Variants in ZNF609 observed in about 807,000 individuals in gnomAD.
The protein encoded by ZNF609 is zinc finger protein 609.
A neutral mutation model predicts 109.5 loss-of-function variants in ZNF609; 11 were observed. That is an observed-to-expected ratio of 0.10 (90% CI 0.06 to 0.17). The LOEUF is 0.17. Ranked by LOEUF, ZNF609 falls within the 10% of genes least tolerant of loss-of-function variation. The probability of loss-of-function intolerance (pLI) is 1.00; values close to 1 mark genes in which losing one functional copy is unlikely to be tolerated. For missense variants in ZNF609, 1,559 were observed against 1,772.4 expected, an observed-to-expected ratio of 0.88 and a Z score of 2.16; for synonymous variants, 646 against 662.0, an observed-to-expected ratio of 0.98 and a Z score of 0.37.
intron 2 of ZNF609, among the ~76,000 whole-genome samples, chr15:64,547,082 G>C (rs1050208463): frequency 6.6e-6 from 1 of 152,006 alleles, no homozygotes; most frequent in East Asian, 1.9e-4. Flanking sequence ...GAGCCACCAC[G>C]CCTGGCCCAG....
At chr15:64,664,500 T>C (rs902560553) in intron 3 of ZNF609, among the ~76,000 whole-genome samples, 4 of 152,208 alleles carry the variant, frequency 2.6e-5, no homozygotes, top group African/African-American at 7.2e-5. Flanking sequence ...TGAACACTTA[T>C]GAAAAATAGT....
At chr15:64,636,609 C>T (rs1242849131) in intron 3 of ZNF609, among the ~76,000 whole-genome samples, 1 of 152,172 alleles carries the variant, frequency 6.6e-6, no homozygotes, top group East Asian at 1.9e-4. Context: ...TTATGAAGCT[C>T]CCTTTTGCTT....
intron 2 of ZNF609, among the ~76,000 whole-genome samples, chr15:64,536,061 A>G (rs1894137052): frequency 2.0e-5 from 3 of 151,860 alleles, no homozygotes; most frequent in Admixed American, 6.6e-5. Flanking sequence ...TATATTTTTT[A>G]GAGACAGGGT....
In ZNF609 at chr15:64,631,672, A is replaced by G. The variant is rs543467839; in HGVS notation, c.973+8620A>G. Among the ~76,000 whole-genome samples the G allele has an allele frequency of 4.6e-5, 7 of 150,702 alleles. No individual in the cohort carries two copies. In the South Asian group the frequency reaches 1.5e-3, roughly 32 times the overall value. ...CTCAGCCTCCCGAGTATCTGGGATT[A>G]TAGGCATTCGCCACCATGCCCAGCT... is the stretch of plus-strand genomic sequence containing the variant. On this transcript the variant is annotated intron_variant, in intron 3 of 9. Coordinates refer to ENST00000326648, the MANE Select transcript of ZNF609 (RefSeq NM_015042.2).
At chr15:64,582,676 C>G (rs578130256) in intron 2 of ZNF609, among the ~76,000 whole-genome samples, 2 of 151,450 alleles carry the variant, frequency 1.3e-5, no homozygotes, top group African/African-American at 4.8e-5. Context: ...CTTAAGCAAT[C>G]CTACATTTCC....
At chr15:64,617,647 G>C (rs1293249148) in intron 2 of ZNF609, among the ~76,000 whole-genome samples, 2 of 151,250 alleles carry the variant, frequency 1.3e-5, no homozygotes, top group Non-Finnish European at 2.9e-5. Flanking sequence ...AGGCATGGTG[G>C]TGGGAGCCTG....
rs144510646 is a variant in ZNF609 at position 64,478,251 on chromosome 15, A to G, written c.-128+17413A>G. ...TTGCCCAGGTTGGAGGACAGTGGCT[A>G]TTCACAGGTGTGATCATAAGTGTGC... On this transcript the variant is annotated intron_variant, in intron 1 of 9. Transcript: ENST00000326648. Among the ~76,000 whole-genome samples, 1,363 of 150,730 alleles carry G rather than the reference A, an allele frequency of 9.0e-3. 20 individuals carry two copies. The highest frequency in any genetic ancestry group is 0.031 in the African/African-American group (1,283 of 41,158).
At chr15:64,517,366 G>A (rs1011145192) in intron 2 of ZNF609, among the ~76,000 whole-genome samples, 1 of 152,114 alleles carries the variant, frequency 6.6e-6, no homozygotes, top group Non-Finnish European at 1.5e-5. Context: ...GACAGAGGGG[G>A]ATTCTGTCTC....
chr15:64,647,247 G>A (rs540868096), intron 3 of ZNF609, among the ~76,000 whole-genome samples: 5 of 151,886 alleles, frequency 3.3e-5, no homozygotes, highest in South Asian at 2.1e-4. Context: ...TTTCCACTTA[G>A]GTATCTAGAA....
intron 3 of ZNF609, among the ~76,000 whole-genome samples, chr15:64,644,707 T>TC (rs1896305248): frequency 6.6e-6 from 1 of 152,202 alleles, no homozygotes; most frequent in Non-Finnish European, 1.5e-5. Context: ...GTGGATACTA[T>TC]CCAAGTGACC....
Position 64,674,544 on chromosome 15 carries a change from T to C in ZNF609, c.1690T>C (p.Ser564Pro). 1 of 1,614,028 alleles carries C rather than the reference T, an allele frequency of 6.2e-7. No homozygotes were observed. The change falls in exon 5 of 10, where the codon TCA (serine) becomes CCA (proline). Residue 564 changes from serine (S) to proline (P), a missense_variant. By Grantham distance (74) the Ser-to-Pro change is moderately conservative. This residue lies in a region of ZNF609 where 1,204 missense variants were observed against 1,314.1 expected (regional missense o/e 0.92). Transcript: ENST00000326648. ...SQKGSLSPARSATPKVRLVEP... is the reference protein window; with the variant it reads ...SQKGSLSPARPATPKVRLVEP... ...AAAAGGTTCCTTGTCCCCTGCCCGCTCAGCTACCCCCAAAGTTCGACTTGT... is the reference window on the plus strand; with the variant it reads ...AAAAGGTTCCTTGTCCCCTGCCCGCCCAGCTACCCCCAAAGTTCGACTTGT...
At chr15:64,473,851 T>C (rs867550296) in intron 1 of ZNF609, among the ~76,000 whole-genome samples, 23 of 152,250 alleles carry the variant, frequency 1.5e-4, no homozygotes, top group South Asian at 1.4e-3. Context: ...CTCGGCTCAC[T>C]GCAACCTCTG....
Position 64,674,408 on chromosome 15 carries a change from T to C in ZNF609, c.1554T>C (p.His518=), listed in dbSNP as rs754646730. The change falls in exon 5 of 10, where the codon CAT becomes CAC. Residue 518 remains histidine, a synonymous_variant. Transcript: ENST00000326648. The part of the protein sequence containing the change: ...HINGLKYHQA[H]AHTDDDSKPE... Reference sequence around the variant, plus strand: ...ATGGACTTAAGTACCACCAAGCTCATGCCCATACAGATGATGACAGCAAGC... The same window carrying C: ...ATGGACTTAAGTACCACCAAGCTCACGCCCATACAGATGATGACAGCAAGC... 21 of 1,614,030 alleles carry C rather than the reference T, an allele frequency of 1.3e-5. No individual in the cohort carries two copies. The Admixed American group carries it at 1.7e-4, about 13-fold the overall frequency.
At chr15:64,635,328 ACTGGTATTGC>A (rs1896157667) in intron 3 of ZNF609, among the ~76,000 whole-genome samples, 1 of 152,196 alleles carries the variant, frequency 6.6e-6, no homozygotes, top group South Asian at 2.1e-4. Context: ...TAAATATCTT[ACTGGTATTGC>A]CTGGGATTAA....
At position 64,674,157 on chromosome 15, in the gene ZNF609, T is replaced by A. The variant is rs1896775859; in HGVS notation, c.1303T>A (p.Ser435Thr). The A allele has an allele frequency of 6.2e-7, 1 of 1,614,178 alleles. No homozygotes were observed. ...STSEDVKASPSSANKRKNKPL... is the reference protein window; with the variant it reads ...STSEDVKASPTSANKRKNKPL... ...TTCTGAGGATGTCAAGGCCAGCCCT[T>A]CCTCAGCTAATAAGCGGAAAAACAA... Residue 435 changes from serine (S) to threonine (T), a missense_variant, in exon 5 of 10, where the codon TCC becomes ACC. This residue lies in a region of ZNF609 where 1,204 missense variants were observed against 1,314.1 expected (regional missense o/e 0.92). Transcript: ENST00000326648.
intron 3 of ZNF609, among the ~76,000 whole-genome samples, chr15:64,667,812 C>G (rs950056581): frequency 6.6e-6 from 1 of 152,002 alleles, no homozygotes; most frequent in Non-Finnish European, 1.5e-5. Context: ...AAAGAGTAGT[C>G]GTGAGAGGTG....
chr15:64,676,519 C>T (rs568060391), intron 5 of ZNF609, among the ~76,000 whole-genome samples: 1 of 152,264 alleles, frequency 6.6e-6, no homozygotes, highest in Admixed American at 6.5e-5. Context: ...CAACCTCCGC[C>T]TCCCAGGTTC....
At chr15:64,662,767 G>A (rs1200102828) in intron 3 of ZNF609, among the ~76,000 whole-genome samples, 6 of 152,152 alleles carry the variant, frequency 3.9e-5, no homozygotes, top group Middle Eastern at 3.4e-3. Flanking sequence ...CCAGGCTCAC[G>A]CGATTCTCTT....
chr15:64,555,001 CAGG>C (rs1231403116), intron 2 of ZNF609, among the ~76,000 whole-genome samples: 2 of 151,148 alleles, frequency 1.3e-5, no homozygotes, highest in African/African-American at 2.4e-5. Flanking sequence ...GAGGCTGAGG[CAGG>C]AGAATCACTT....
Sources: allele counts gnomAD v4.1 joint callset (sites outside exome capture counted in the v4.1 genomes callset), GRCh38; gene constraint gnomAD v4.1.1; regional missense constraint gnomAD v4.1.1; transcripts MANE v1.5; gene names NCBI Gene and HGNC (gene_info 2026-07-23, HGNC 2026-07-21).